ANO10: variants seen among roughly 807,000 people sequenced by gnomAD.
The protein encoded by ANO10 is anoctamin-10.
In ANO10, 77 loss-of-function variants were observed where a neutral mutation model predicts 74.7. The ratio of observed to expected loss-of-function variants is 1.03; its 90% CI spans 0.86 to 1.25. The LOEUF is 1.25. Among genes scored for constraint, ANO10 ranks in the 50% most tolerant of loss-of-function variants. The probability of loss-of-function intolerance (pLI) is 0.00; values close to 1 mark genes in which losing one functional copy is unlikely to be tolerated. For synonymous variants in ANO10, 279 were observed against 284.9 expected (o/e 0.98, Z 0.21); for missense variants, 721 against 778.1 (o/e 0.93, Z 0.87).
At chr3:43,651,309 TA>T (rs2083784283) in intron 1 of ANO10, among the ~76,000 whole-genome samples, 1 of 152,146 alleles carries the variant, frequency 6.6e-6, no homozygotes, top group Admixed American at 6.5e-5. Context: ...ACAAAATGAT[TA>T]GAAGAACAAG....
chr3:43,643,743 G>A (rs2083696705), intron 1 of ANO10, among the ~76,000 whole-genome samples: 1 of 147,550 alleles, frequency 6.8e-6, no homozygotes, highest in South Asian at 2.1e-4. Flanking sequence ...GAGTGCAGTG[G>A]CGCAATCTCG....
At chr3:43,511,039 TGATTA>T (rs2077490270) in intron 11 of ANO10, among the ~76,000 whole-genome samples, 1 of 152,242 alleles carries the variant, frequency 6.6e-6, no homozygotes, top group African/African-American at 2.4e-5. Flanking sequence ...TAGTATAGTT[TGATTA>T]ATGTGTCCAA....
At chr3:43,601,301 G>A (rs1238631321) in intron 2 of ANO10, among the ~76,000 whole-genome samples, 4 of 152,120 alleles carry the variant, frequency 2.6e-5, no homozygotes, top group Admixed American at 2.0e-4. Context: ...CACCTGCCAG[G>A]TTCAGGAGAT....
At chr3:43,442,862 T>G (rs887049733) in intron 11 of ANO10, among the ~76,000 whole-genome samples, 1 of 152,218 alleles carries the variant, frequency 6.6e-6, no homozygotes, top group African/African-American at 2.4e-5. Context: ...TGGCTGGGGT[T>G]TGCCATCCTT....
intron 1 of ANO10, among the ~76,000 whole-genome samples, chr3:43,673,987 T>C (rs1056112380): frequency 2.6e-5 from 4 of 152,200 alleles, no homozygotes; most frequent in Non-Finnish European, 5.9e-5. Flanking sequence ...CAGAAAAGTA[T>C]GTGAAGGACA....
At chr3:43,503,407 CACT>C (rs1254068436) in intron 11 of ANO10, among the ~76,000 whole-genome samples, 2 of 152,142 alleles carry the variant, frequency 1.3e-5, no homozygotes, top group African/African-American at 4.8e-5. Flanking sequence ...ACAAGTAGAT[CACT>C]ACTAACATTC....
chr3:43,421,737 C>T (rs1332594581), intron 12 of ANO10, among the ~76,000 whole-genome samples: 1 of 151,986 alleles, frequency 6.6e-6, no homozygotes, highest in Non-Finnish European at 1.5e-5. Context: ...ACTTGGTAGG[C>T]TGAGGAAGCA....
At chr3:43,482,799 G>C (rs2076322523) in intron 11 of ANO10, among the ~76,000 whole-genome samples, 1 of 152,220 alleles carries the variant, frequency 6.6e-6, no homozygotes, top group Non-Finnish European at 1.5e-5. Context: ...GCAAGGATGG[G>C]TTGCAGGGTG....
upstream of ANO10, among the ~76,000 whole-genome samples, chr3:43,625,588 C>T (rs2083484180): frequency 6.6e-6 from 1 of 152,038 alleles, no homozygotes; most frequent in Non-Finnish European, 1.5e-5. Context: ...CATTTTAAGT[C>T]GTATTTTTCT....
chr3:43,679,649 G>T (rs945474865), intron 1 of ANO10, among the ~76,000 whole-genome samples: 6 of 152,212 alleles, frequency 3.9e-5, no homozygotes, highest in Non-Finnish European at 7.3e-5. Flanking sequence ...CTCCTCAAGT[G>T]GGTCCCTGAC....
At chr3:43,670,354 A>AAAT (rs1398296581) in intron 1 of ANO10, among the ~76,000 whole-genome samples, 3 of 150,054 alleles carry the variant, frequency 2.0e-5, no homozygotes, top group African/African-American at 4.9e-5. Context: ...ATAAATAAAT[A>AAAT]AAATAATAAA....
chr3:43,380,747 A>G (rs1255153023), intron 12 of ANO10, among the ~76,000 whole-genome samples: 6 of 152,222 alleles, frequency 3.9e-5, no homozygotes, highest in African/African-American at 1.4e-4. Flanking sequence ...TCCTTAAAGT[A>G]TAAATCTCAC....
chr3:43,666,178 T>G (rs887954574), intron 1 of ANO10, among the ~76,000 whole-genome samples: 1 of 152,168 alleles, frequency 6.6e-6, no homozygotes, highest in Non-Finnish European at 1.5e-5. Flanking sequence ...TTTCAAGCTT[T>G]AAAGAATAAT....
intron 7 of ANO10, among the ~76,000 whole-genome samples, chr3:43,569,906 T>G (rs2080605704): frequency 8.7e-6 from 1 of 114,472 alleles, no homozygotes; most frequent in Non-Finnish European, 1.8e-5. Flanking sequence ...TGTCCCTGTT[T>G]GCAGATGACA....
At chr3:43,561,440 G>A (rs772654364) in intron 8 of ANO10, 38 bp from the exon 9 acceptor site, 12 of 1,564,648 alleles carry the variant, frequency 7.7e-6, no homozygotes, top group Non-Finnish European at 1.1e-5. Context: ...TGGGAATACA[G>A]CTTAATAAAA....
At position 43,462,287 on chromosome 3, in the gene ANO10, C is replaced by T. The variant is rs372065927; in HGVS notation, c.1798-29560G>A. On this transcript the variant is annotated intron_variant, in intron 11 of 12. Coordinates refer to ENST00000292246, the MANE Select transcript of ANO10 (RefSeq NM_018075.5). ...TCTTGTCACCCAGGCTGGAGTGCAA[C>T]GGTACGATCTTGGCTCACTGCAACC... Among the ~76,000 whole-genome samples, 117 of 152,176 alleles carry T rather than the reference C, an allele frequency of 7.7e-4. 1 individual carries two copies. In the South Asian group the frequency reaches 0.015, roughly 20 times the overall value.
rs2149254813 is a variant in ANO10, at chr3:43,533,369, AC to A, written c.1797+16350del. On this transcript the variant is annotated intron_variant, in intron 11 of 12. Coordinates refer to ENST00000292246, the MANE Select transcript of ANO10 (RefSeq NM_018075.5). The stretch of plus-strand genomic sequence containing the variant: ...GTAGAATTTGTAGGCCAAAAAGTAT[AC>A]TTATATCACATGTAAGTTTTATGCA... Among the ~76,000 whole-genome samples the A allele has an allele frequency of 2.0e-5, 3 of 152,330 alleles. 1 individual carries two copies. The South Asian group carries it at 6.2e-4, about 32-fold the overall frequency.
chr3:43,668,907 A>T (rs1559393881), intron 1 of ANO10, among the ~76,000 whole-genome samples: 1 of 152,092 alleles, frequency 6.6e-6, no homozygotes, highest in Non-Finnish European at 1.5e-5. Context: ...ATTGAGCATT[A>T]ATTACATTTA....
intron 11 of ANO10, among the ~76,000 whole-genome samples, chr3:43,532,598 G>C (rs1164324939): frequency 6.6e-6 from 1 of 152,042 alleles, no homozygotes; most frequent in African/African-American, 2.4e-5. Flanking sequence ...ATTGACTGGT[G>C]TATTGTTTTA....
Sources: allele counts gnomAD v4.1 joint callset (sites outside exome capture counted in the v4.1 genomes callset), GRCh38; gene constraint gnomAD v4.1.1; transcripts MANE v1.5; gene names NCBI Gene and HGNC (gene_info 2026-07-23, HGNC 2026-07-21).